FHAD1: variants seen among roughly 807,000 people sequenced by gnomAD.
FHAD1 encodes the protein forkhead-associated domain-containing protein 1.
FHAD1 carries 146 observed loss-of-function variants against 191.3 expected under a neutral mutation model. The ratio of observed to expected loss-of-function variants is 0.76; its 90% CI spans 0.67 to 0.88. FHAD1 has a LOEUF of 0.88. FHAD1 is among the 40% of genes least tolerant of loss of function. The pLI, the probability that FHAD1 is intolerant of heterozygous loss-of-function variation, is 0.00. For synonymous variants in FHAD1, 616 were observed against 672.3 expected (o/e 0.92, Z 1.29); for missense variants, 1,635 against 1,785.8 (o/e 0.92, Z 1.52).
intron 4 of FHAD1, among the ~76,000 whole-genome samples, chr1:15,292,780 T>C (rs979941737): frequency 1.3e-5 from 2 of 152,104 alleles, no homozygotes; most frequent in Non-Finnish European, 2.9e-5. Context: ...AACACCTTGA[T>C]CTTTCAACCT....
At chr1:15,251,543 T>C (rs1646780648) in intron 1 of FHAD1, among the ~76,000 whole-genome samples, 1 of 151,430 alleles carries the variant, frequency 6.6e-6, no homozygotes, top group Non-Finnish European at 1.5e-5. Flanking sequence ...TGTTTGATTA[T>C]TAGAACCAGG....
At chr1:15,401,877 T>C (rs572391218), downstream of FHAD1, among the ~76,000 whole-genome samples, 1 of 152,354 alleles carries the variant, frequency 6.6e-6, no homozygotes, top group East Asian at 1.9e-4. Context: ...CTGCTCAGTG[T>C]CCCAGGTTAT....
chr1:15,264,723 G>A (rs1927183), intron 2 of FHAD1, among the ~76,000 whole-genome samples: 95,729 of 152,026 alleles, frequency 0.63, 30,685 homozygotes, highest in East Asian at 0.83. Context: ...AATAGAAGTG[G>A]TGAGGGTGGG....
At chr1:15,295,838 AC>A (rs1359979344) in intron 4 of FHAD1, among the ~76,000 whole-genome samples, 3 of 152,198 alleles carry the variant, frequency 2.0e-5, no homozygotes, top group Non-Finnish European at 2.9e-5. Context: ...TGTTTGTGGC[AC>A]AGAAGCAGCC....
At chr1:15,358,047 AG>A (rs1192506998) in intron 20 of FHAD1, 62 bp from the exon 21 acceptor site, 19 of 1,199,118 alleles carry the variant, frequency 1.6e-5, no homozygotes. Flanking sequence ...GTGGGGGATA[AG>A]GGGGCTGGGT....
At chr1:15,267,339 G>T (rs1653969592) in intron 2 of FHAD1, among the ~76,000 whole-genome samples, 1 of 152,118 alleles carries the variant, frequency 6.6e-6, no homozygotes, top group East Asian at 1.9e-4. Context: ...TTTATACATT[G>T]TTGGATTATA....
rs566578316 is a variant in FHAD1, at chr1:15,369,601, A to T, written c.3447+99A>T. The T allele has an allele frequency of 5.9e-6, 8 of 1,360,458 alleles. No homozygotes were observed. In the Admixed American group the frequency reaches 1.8e-4, roughly 31 times the overall value. 84.3% of individuals were successfully genotyped at this position (1,360,458 alleles called of 1,614,324 possible). ...GAAGACACTTTCATTCTAAGTTCCA[A>T]AAGTATGGCTTGCTGGTGTGAAATG... On this transcript the variant is annotated intron_variant, in intron 26 of 33. Coordinates refer to ENST00000688493, the MANE Select transcript of FHAD1 (RefSeq NM_001391957.1).
At position 15,312,560 on chromosome 1, in the gene FHAD1, G is replaced by A. The variant is rs1311207860; in HGVS notation, c.1040-497G>A. Among the ~76,000 whole-genome samples, 1 of 152,174 alleles carries A rather than the reference G, an allele frequency of 6.6e-6. No homozygotes were observed. Among genetic ancestry groups the A allele is most frequent in the Non-Finnish European group, 1.5e-5 (1 of 68,036 alleles). On this transcript the variant is annotated intron_variant, in intron 7 of 33. Coordinates refer to ENST00000688493, the MANE Select transcript of FHAD1 (RefSeq NM_001391957.1). This position sits in a 1 kb window ranked among gnomAD's most constrained non-coding sequence, Gnocchi z 4.7. Reference sequence around the variant, plus strand: ...ACCTGTAGTCCTAGCTACTTGGGAGGCCAAGGCAGGAGGATCGCCTGAGTC... The same window carrying A: ...ACCTGTAGTCCTAGCTACTTGGGAGACCAAGGCAGGAGGATCGCCTGAGTC...
intron 26 of FHAD1, among the ~76,000 whole-genome samples, chr1:15,370,522 T>C (rs1255389683): frequency 6.6e-6 from 1 of 152,202 alleles, no homozygotes; most frequent in Non-Finnish European, 1.5e-5. Flanking sequence ...AATGTACTTG[T>C]TCTTCCTGAA....
rs572447718 is a variant in FHAD1, at chr1:15,278,530, G to C, written c.300+6001G>C. Among the ~76,000 whole-genome samples the C allele has an allele frequency of 2.0e-4, 29 of 142,922 alleles. No homozygotes were observed. In the South Asian group the frequency reaches 6.1e-3, roughly 30 times the overall value. 93.8% of individuals were successfully genotyped at this position (142,922 alleles called of 152,430 possible). ...ACTCTGTTGCTTAGGCTGGAGTGCA[G>C]TGGCACGATCTCAGTTCACAGCAAC... On this transcript the variant is annotated intron_variant, in intron 3 of 33. Transcript: ENST00000688493.
In FHAD1 at chr1:15,312,941, A is replaced by T; in HGVS notation, c.1040-116A>T. 7.7e-7 allele frequency: 1 copy of T among 1,306,704 alleles called. No homozygotes were observed. The highest frequency in any genetic ancestry group is 1.5e-5 in the South Asian group (1 of 67,930). 80.9% of individuals were successfully genotyped at this position (1,306,704 alleles called of 1,614,324 possible). A position where few individuals can be genotyped will look rare whatever the true frequency, so the allele number is the denominator to read the frequency against. ...TCTCAACCCCATTCAAGCTCCTGGG[A>T]TCCTTGGAGACACCTCCCTTCTCAG... On this transcript the variant is annotated intron_variant, in intron 7 of 33. Coordinates refer to ENST00000688493, the MANE Select transcript of FHAD1 (RefSeq NM_001391957.1). The surrounding 1 kb of genome is among the most constrained non-coding windows in gnomAD (Gnocchi z 4.7).
Position 15,374,549 on chromosome 1 carries a change from C to T in FHAD1, c.3495C>T (p.His1165=), listed in dbSNP as rs375295530. ...GGGTCAGGTGCAAAGGGTCCCGGCACGAGGAGGTCATTCAGCGTCAGAAAA... is the reference window on the plus strand; with the variant it reads ...GGGTCAGGTGCAAAGGGTCCCGGCATGAGGAGGTCATTCAGCGTCAGAAAA... ...DLGVRCKGSR[H]EEVIQRQKKA... The change falls in exon 27 of 34, where the codon CAC becomes CAT. Residue 1165 remains histidine, a synonymous_variant. Coordinates refer to ENST00000688493, the MANE Select transcript of FHAD1 (RefSeq NM_001391957.1). 187 of 1,551,716 alleles carry T rather than the reference C, an allele frequency of 1.2e-4. No individual in the cohort carries two copies. The highest frequency in any genetic ancestry group is 2.4e-5 in the South Asian group (2 of 84,062).
chr1:15,361,261 T>A (rs1694715443), intron 22 of FHAD1, among the ~76,000 whole-genome samples: 1 of 152,230 alleles, frequency 6.6e-6, no homozygotes, highest in Non-Finnish European at 1.5e-5. Context: ...GCCTCAGCCC[T>A]GTTGACATTT....
chr1:15,260,510 T>C (rs1650527354), intron 2 of FHAD1, among the ~76,000 whole-genome samples: 1 of 152,194 alleles, frequency 6.6e-6, no homozygotes, highest in Non-Finnish European at 1.5e-5. Context: ...CCGCCTGGGC[T>C]CTTGGCTGGA....
intron 3 of FHAD1, among the ~76,000 whole-genome samples, chr1:15,278,097 C>A (rs79774553): frequency 0.052 from 7,975 of 152,162 alleles, 575 homozygotes; most frequent in African/African-American, 0.16. Context: ...GACTACATCC[C>A]ATGGGCCAAA....
intron 28 of FHAD1, among the ~76,000 whole-genome samples, chr1:15,379,796 T>C (rs997295249): frequency 3.1e-4 from 47 of 152,320 alleles, no homozygotes; most frequent in African/African-American, 1.1e-3. Context: ...GCACAACCCT[T>C]AATCCATTTA....
chr1:15,383,906 TCTC>T (rs1295626976), intron 31 of FHAD1: 6 of 439,620 alleles, frequency 1.4e-5, no homozygotes, highest in Non-Finnish European at 2.3e-5. Flanking sequence ...TGACCCTGGT[TCTC>T]CTGCTGTCTG....
At chr1:15,310,079 C>T (rs967438110) in intron 7 of FHAD1, among the ~76,000 whole-genome samples, 1 of 152,070 alleles carries the variant, frequency 6.6e-6, no homozygotes, top group Non-Finnish European at 1.5e-5. Context: ...TGGCATGTCT[C>T]GAGACCTGCA....
intron 21 of FHAD1, among the ~76,000 whole-genome samples, chr1:15,360,138 A>C (rs1248510273): frequency 6.6e-6 from 1 of 152,212 alleles, no homozygotes; most frequent in Non-Finnish European, 1.5e-5. Flanking sequence ...AACAACAAAA[A>C]GTTTACATTT....
Sources: gnomAD v4.1 joint callset for allele counts (sites outside exome capture counted in the v4.1 genomes callset) on GRCh38, gnomAD v4.1.1 for gene constraint, Gnocchi (gnomAD v3.1) non-coding constraint, MANE v1.5 for transcripts, NCBI Gene and HGNC (gene_info 2026-07-23, HGNC 2026-07-21) for gene names.